Variants in WDR70 observed in about 807,000 individuals in gnomAD.
WDR70 encodes the protein WD repeat domain 70, also known as WD repeat-containing protein 70.
WDR70 carries 53 observed loss-of-function variants against 88.6 expected under a neutral mutation model. That is an observed-to-expected ratio of 0.60 (90% CI 0.48 to 0.75). The LOEUF is 0.75. WDR70 is among the 30% of genes least tolerant of loss of function. WDR70 has a pLI of 0.00. For missense variants in WDR70, 610 were observed against 823.2 expected (o/e 0.74, Z 3.17); for synonymous variants, 280 against 270.0 (o/e 1.04, Z -0.36).
chr5:37,697,754 G>A lies in WDR70; in HGVS notation c.1192G>A (p.Gly398Ser). 6.2e-7 allele frequency: 1 copy of A among 1,611,954 alleles called. No homozygotes were observed. The highest frequency in any genetic ancestry group is 8.5e-7 in the Non-Finnish European group (1 of 1,178,270). Residue 398 changes from glycine to serine, a missense_variant and splice_region_variant, in exon 11 of 18, where the codon GGT becomes AGT. Gly to Ser is a moderately conservative substitution (Grantham distance 56). Around this residue, in one of 4 missense-constraint regions of WDR70, gnomAD observed 254 missense variants for 300.7 expected, o/e 0.84. Transcript: ENST00000265107. Reference sequence around the variant, plus strand: ...TGGTAATGTCCTTGCCTCTCGTGGAGGTAGGTTAAAAGCTTTCTTTTTGAT... The same window carrying A: ...TGGTAATGTCCTTGCCTCTCGTGGAAGTAGGTTAAAAGCTTTCTTTTTGAT... ...YDGNVLASRG[G>S]DDSLKLWDIR... is the part of the protein sequence containing the mutation.
chr5:37,538,548 C>T (rs974166199), intron 9 of WDR70, among the ~76,000 whole-genome samples: 3 of 152,172 alleles, frequency 2.0e-5, no homozygotes, highest in African/African-American at 4.8e-5. Context: ...GCCAAGCTAG[C>T]ACTCATTGTT....
At chr5:37,725,090 G>T (rs1405873780) in intron 16 of WDR70, 40 bp downstream of exon 16, 2 of 1,556,864 alleles carry the variant, frequency 1.3e-6, no homozygotes, top group Admixed American at 1.7e-5. Flanking sequence ...AGGGGGTTCA[G>T]AGGCAGGGTG....
intron 17 of WDR70, among the ~76,000 whole-genome samples, chr5:37,737,207 C>A (rs1046036116): frequency 6.6e-6 from 1 of 151,974 alleles, no homozygotes; most frequent in Non-Finnish European, 1.5e-5. Context: ...TAATTTAATC[C>A]TCACAGCAGC....
chr5:37,438,130 TA>T (rs1750534990), intron 6 of WDR70, 149 bp downstream of exon 6: 9 of 537,334 alleles, frequency 1.7e-5, no homozygotes, highest in Non-Finnish European at 2.4e-5. Flanking sequence ...AGATTACTTT[TA>T]TGTTCAGTCA....
Position 37,379,335 on chromosome 5 carries a change from C to T in WDR70, c.-33C>T, listed in dbSNP as rs753841669. 33 of 1,613,286 alleles carry T rather than the reference C, an allele frequency of 2.0e-5. No homozygotes were observed. In the Middle Eastern group the frequency reaches 4.2e-3, roughly 203 times the overall value. ...GTTCCCCTGCAGTTGTTTGGGCTGT[C>T]CCTGTGGCTGGTTCTGGGGTGTGCG... is the stretch of plus-strand genomic sequence containing the variant. On this transcript the variant is annotated 5_prime_UTR_variant, in exon 1 of 18. Transcript: ENST00000265107.
chr5:37,576,654 T>C (rs1303655486), intron 9 of WDR70, among the ~76,000 whole-genome samples: 1 of 152,020 alleles, frequency 6.6e-6, no homozygotes, highest in Non-Finnish European at 1.5e-5. Context: ...TACCCTCCAG[T>C]GTATCTAAAA....
At chr5:37,684,922 A>G (rs1746536352) in intron 10 of WDR70, among the ~76,000 whole-genome samples, 1 of 152,194 alleles carries the variant, frequency 6.6e-6, no homozygotes, top group South Asian at 2.1e-4. Flanking sequence ...AGCAGAGCTC[A>G]GGGGCATGAG....
intron 8 of WDR70, among the ~76,000 whole-genome samples, chr5:37,486,557 C>T (rs1480689830): frequency 6.6e-6 from 1 of 152,040 alleles, no homozygotes. Flanking sequence ...GTTGTCCAGG[C>T]TGGTCTCGAA....
chr5:37,656,570 G>A (rs112429538), intron 10 of WDR70, among the ~76,000 whole-genome samples: 29 of 152,314 alleles, frequency 1.9e-4, no homozygotes, highest in African/African-American at 6.5e-4. Context: ...CAGGTGCTCT[G>A]TCCCAGGGAG....
intron 9 of WDR70, among the ~76,000 whole-genome samples, chr5:37,522,426 G>A (rs528627478): frequency 3.6e-4 from 53 of 145,678 alleles, no homozygotes; most frequent in South Asian, 1.5e-3. Context: ...AGCTAAGATC[G>A]CGCCACTGCA....
At chr5:37,526,270 A>G (rs767515265) in intron 9 of WDR70, among the ~76,000 whole-genome samples, 48 of 152,226 alleles carry the variant, frequency 3.2e-4, no homozygotes, top group Non-Finnish European at 5.7e-4. Context: ...CAGCCCATCA[A>G]AAAGCTTATC....
At chr5:37,383,463 T>A (rs1015054495) in intron 3 of WDR70, among the ~76,000 whole-genome samples, 1 of 152,064 alleles carries the variant, frequency 6.6e-6, no homozygotes, top group Admixed American at 6.6e-5. Context: ...GGTTTCGCCA[T>A]GTTGGCCAGG....
intron 9 of WDR70, among the ~76,000 whole-genome samples, chr5:37,530,175 T>C (rs1741436622): frequency 6.6e-6 from 1 of 152,190 alleles, no homozygotes; most frequent in African/African-American, 2.4e-5. Context: ...CACTTGATCA[T>C]GGCGGATTAT....
chr5:37,438,915 T>TG (rs557776743), intron 6 of WDR70, among the ~76,000 whole-genome samples: 37 of 151,178 alleles, frequency 2.4e-4, no homozygotes, highest in South Asian at 4.2e-4. Context: ...TTCGTTTTTT[T>TG]TTTTGTTTTG....
At chr5:37,683,489 C>G (rs1281011784) in intron 10 of WDR70, among the ~76,000 whole-genome samples, 2 of 152,126 alleles carry the variant, frequency 1.3e-5, no homozygotes, top group African/African-American at 4.8e-5. Context: ...ATGGTCTTTC[C>G]TTTCCATATT....
intron 5 of WDR70, among the ~76,000 whole-genome samples, chr5:37,409,344 A>C (rs1041414975): frequency 6.6e-6 from 1 of 152,142 alleles, no homozygotes; most frequent in Non-Finnish European, 1.5e-5. Context: ...TTAAGGGAAG[A>C]TTCCAAAAAA....
chr5:37,723,622 C>T (rs1221641537), intron 15 of WDR70: 1 of 152,322 alleles, frequency 6.6e-6, no homozygotes, highest in Admixed American at 6.5e-5. Context: ...TTATCAGTGA[C>T]TCAGTCTGGA....
At chr5:37,632,511 A>C (rs1215119174) in intron 10 of WDR70, among the ~76,000 whole-genome samples, 1 of 152,080 alleles carries the variant, frequency 6.6e-6, no homozygotes, top group Middle Eastern at 3.2e-3. Context: ...GATGATCCTG[A>C]CCCTGTGTAG....
intron 10 of WDR70, among the ~76,000 whole-genome samples, chr5:37,663,282 TTA>T (rs1415985485): frequency 1.3e-5 from 2 of 152,238 alleles, no homozygotes; most frequent in Non-Finnish European, 2.9e-5. Flanking sequence ...TTTAAACCAG[TTA>T]ACTCCAGAAC....
Sources: allele counts gnomAD v4.1 joint callset (sites outside exome capture counted in the v4.1 genomes callset), GRCh38; gene constraint gnomAD v4.1.1; regional missense constraint gnomAD v4.1.1; transcripts MANE v1.5; gene names NCBI Gene and HGNC (gene_info 2026-07-23, HGNC 2026-07-21).